RP2: variants seen among roughly 807,000 people sequenced by gnomAD.
RP2 encodes protein XRP2.
In RP2, 3 loss-of-function variants were observed where a neutral mutation model predicts 20.3. The ratio of observed to expected loss-of-function variants is 0.15; its 90% CI spans 0.07 to 0.38. The LOEUF (loss-of-function observed/expected upper bound fraction) is 0.38. Ranked by LOEUF, RP2 falls within the 10% of genes least tolerant of loss-of-function variation. The pLI is 1.00. For missense variants in RP2, 233 were observed against 268.5 expected, an observed-to-expected ratio of 0.87 and a Z score of 0.92; for synonymous variants, 75 against 94.8, an observed-to-expected ratio of 0.79 and a Z score of 1.22.
chrX:46,841,917 A>G (rs1427346131), intron 1 of RP2, among the ~76,000 whole-genome samples: 1 of 112,047 alleles, frequency 8.9e-6, no homozygotes, highest in Non-Finnish European at 1.9e-5. Context: ...CATTCTATCT[A>G]ACTGTATATA....
rs1209903376 is a variant in RP2, at chrX:46,880,470, C to T, written c.*701C>T. The T allele has an allele frequency of 1.8e-5, 2 of 111,677 alleles. No homozygotes were observed. The highest frequency in any genetic ancestry group is 6.5e-5 in the African/African-American group (2 of 30,784). The allele number at this position is 111,677 out of a possible 1,213,427, so 9.2% of individuals were successfully genotyped here. On this transcript the variant is annotated 3_prime_UTR_variant, in exon 5 of 5. Transcript: ENST00000218340. The stretch of plus-strand genomic sequence containing the variant: ...ATTGTTTAGTTTTTTAATACAACTG[C>T]TATATGACTCTTCTGCTTCCTGATA...
Position 46,862,427 on chromosome X carries a change from A to G in RP2, c.883+2325A>G, listed in dbSNP as rs781803191. ...TGTAATCCCAACACTTTGGGAGGCC[A>G]AGGCGGGCAGATCACAAGGTCAGGA... On this transcript the variant is annotated intron_variant, in intron 3 of 4. Transcript: ENST00000218340. 1.1e-4 allele frequency among the ~76,000 whole-genome samples: 12 copies of G among 106,347 alleles called. No individual in the cohort carries two copies. In the East Asian group the frequency reaches 1.5e-3, roughly 14 times the overall value. 92.3% of individuals were successfully genotyped at this position (106,347 alleles called of 115,157 possible). A position where few individuals can be genotyped will look rare whatever the true frequency, so the allele number is the denominator to read the frequency against.
chrX:46,870,659 T>G (rs1925274159), intron 3 of RP2, among the ~76,000 whole-genome samples: 1 of 112,044 alleles, frequency 8.9e-6, no homozygotes, highest in Non-Finnish European at 1.9e-5. Context: ...CTACAATAGC[T>G]GAAACAGGCA....
intron 1 of RP2, among the ~76,000 whole-genome samples, chrX:46,842,133 C>T (rs183476873): frequency 9.0e-5 from 10 of 111,440 alleles, no homozygotes. Context: ...AGGCTGGTCT[C>T]GAAACTCCTG....
chrX:46,865,066 C>A (rs1269711801), intron 3 of RP2, among the ~76,000 whole-genome samples: 2 of 112,194 alleles, frequency 1.8e-5, no homozygotes, highest in Admixed American at 9.5e-5. Flanking sequence ...TTCTGTATAT[C>A]CCTTACCCAG....
intron 2 of RP2, among the ~76,000 whole-genome samples, chrX:46,857,851 A>T (rs1336218048): frequency 8.9e-6 from 1 of 112,421 alleles, no homozygotes; most frequent in Admixed American, 9.5e-5. Context: ...AGAGATGATA[A>T]GCACTCTAGA....
At chrX:46,866,248 G>C (rs190712345) in intron 3 of RP2, among the ~76,000 whole-genome samples, 2 of 111,679 alleles carry the variant, frequency 1.8e-5, no homozygotes, top group Non-Finnish European at 3.8e-5. Context: ...CCATGATCTG[G>C]GTGCTAGGTG....
rs1238197871 is a variant in RP2 at position 46,881,239 on chromosome X, C to T, written c.*1470C>T. The T allele has an allele frequency of 1.8e-5, 2 of 111,286 alleles. No individual in the cohort carries two copies. Among genetic ancestry groups the T allele is most frequent in the Non-Finnish European group, 3.8e-5 (2 of 53,015 alleles). The allele number at this position is 111,286 out of a possible 1,213,427, so 9.2% of individuals were successfully genotyped here. On this transcript the variant is annotated 3_prime_UTR_variant, in exon 5 of 5. Coordinates refer to ENST00000218340, the MANE Select transcript of RP2 (RefSeq NM_006915.3). ...AGTAATATTGAGCGCTCACCCTGTGCGTGGCCTTGTGCTAACCATTAGCAC... is the reference window on the plus strand; with the variant it reads ...AGTAATATTGAGCGCTCACCCTGTGTGTGGCCTTGTGCTAACCATTAGCAC...
At chrX:46,860,213 C>A in intron 3 of RP2, 111 bp downstream of exon 3, 1 of 562,699 alleles carries the variant, frequency 1.8e-6, no homozygotes. Context: ...CTCATTTGTT[C>A]TTTGTTTTTT....
rs35579507 is a variant in RP2 at position 46,879,062 on chromosome X, TA to T, written c.970-596del. On this transcript the variant is annotated intron_variant, in intron 4 of 4. Coordinates refer to ENST00000218340, the MANE Select transcript of RP2 (RefSeq NM_006915.3). Reference sequence around the variant, plus strand: ...CAACATAGTGAGACTCTACAAAAAGTAAAAAAAAAAAAAAAAAAAAAAAAAA... The same window carrying T: ...CAACATAGTGAGACTCTACAAAAAGTAAAAAAAAAAAAAAAAAAAAAAAAA... Among the ~76,000 whole-genome samples the T allele has an allele frequency of 1.6e-3, 53 of 33,047 alleles. No homozygotes were observed. The East Asian group carries it at 0.022, about 14-fold the overall frequency. The allele number at this position is 33,047 out of a possible 115,157, so 28.7% of individuals were successfully genotyped here. A position where few individuals can be genotyped will look rare whatever the true frequency, so the allele number is the denominator to read the frequency against.
At chrX:46,865,495 T>G (rs1925155051) in intron 3 of RP2, among the ~76,000 whole-genome samples, 1 of 112,322 alleles carries the variant, frequency 8.9e-6, no homozygotes, top group African/African-American at 3.2e-5. Flanking sequence ...TTCTCTGCCG[T>G]AAAGTTTCCA....
intron 2 of RP2, among the ~76,000 whole-genome samples, chrX:46,859,217 T>G (rs781982022): frequency 1.1e-4 from 12 of 111,922 alleles, no homozygotes; most frequent in African/African-American, 3.9e-4. Context: ...GTACAGTGGC[T>G]CATGCTTATA....
At chrX:46,873,904 C>G (rs1556327253) in intron 3 of RP2, among the ~76,000 whole-genome samples, 1 of 107,617 alleles carries the variant, frequency 9.3e-6, no homozygotes, top group Non-Finnish European at 1.9e-5. Flanking sequence ...CCCACCTGAC[C>G]CTGAGCTTCT....
chrX:46,847,779 C>CACACATGTGTGTGTAT (rs1569531400), intron 1 of RP2, among the ~76,000 whole-genome samples: 6 of 81,978 alleles, frequency 7.3e-5, no homozygotes, highest in African/African-American at 2.5e-4. Flanking sequence ...TGTGTGTGTA[C>CACACATGTGTGTGTAT]ATACACACAT....
chrX:46,870,233 A>C (rs145856111), intron 3 of RP2, among the ~76,000 whole-genome samples: 224 of 110,778 alleles, frequency 2.0e-3, no homozygotes, highest in Non-Finnish European at 3.7e-3. Flanking sequence ...TCAGACTCGC[A>C]AGGAGCTAGG....
intron 1 of RP2, among the ~76,000 whole-genome samples, chrX:46,846,943 G>A (rs1259645656): frequency 3.6e-5 from 4 of 111,494 alleles, no homozygotes; most frequent in Non-Finnish European, 7.5e-5. Flanking sequence ...TGCTCAGGCT[G>A]GTCTGAAACT....
chrX:46,870,844 G>A (rs781794648), intron 3 of RP2, among the ~76,000 whole-genome samples: 43 of 111,021 alleles, frequency 3.9e-4, no homozygotes, highest in Middle Eastern at 9.3e-3. Flanking sequence ...CATATAATGA[G>A]GATTGACTAT....
chrX:46,878,202 G>A (rs1297508947), intron 4 of RP2, among the ~76,000 whole-genome samples: 1 of 109,041 alleles, frequency 9.2e-6, no homozygotes, highest in Admixed American at 9.9e-5. Flanking sequence ...GTGAAACCCC[G>A]TCTCTACTAA....
chrX:46,868,850 C>T (rs1556324182), intron 3 of RP2, among the ~76,000 whole-genome samples: 1 of 108,206 alleles, frequency 9.2e-6, no homozygotes, highest in Non-Finnish European at 1.9e-5. Flanking sequence ...AGTCCCAGCA[C>T]TTAGGGAGGC....
Sources: allele counts gnomAD v4.1 joint callset (sites outside exome capture counted in the v4.1 genomes callset), GRCh38; gene constraint gnomAD v4.1.1; transcripts MANE v1.5; gene names NCBI Gene and HGNC (gene_info 2026-07-23, HGNC 2026-07-21).